Variants in ELAVL1 observed in about 807,000 individuals in gnomAD.
The protein encoded by ELAVL1 is ELAV-like protein 1.
A neutral mutation model predicts 28.4 loss-of-function variants in ELAVL1; 1 was observed. The ratio of observed to expected loss-of-function variants is 0.04; its 90% CI spans 0.01 to 0.17. The LOEUF (loss-of-function observed/expected upper bound fraction) is 0.17. Ranked by LOEUF, ELAVL1 falls within the 10% of genes least tolerant of loss-of-function variation. The probability of loss-of-function intolerance (pLI) is 1.00; values close to 1 mark genes in which losing one functional copy is unlikely to be tolerated. For synonymous variants in ELAVL1, 174 were observed against 183.5 expected, an observed-to-expected ratio of 0.95 and a Z score of 0.42; for missense variants, 157 against 447.2, an observed-to-expected ratio of 0.35 and a Z score of 5.85.
intron 3 of ELAVL1, among the ~76,000 whole-genome samples, chr19:7,977,834 G>A (rs1324951872): frequency 2.6e-5 from 4 of 152,264 alleles, no homozygotes; most frequent in Admixed American, 6.5e-5. Flanking sequence ...AGGGAGGAGC[G>A]GGGCAGAGGC....
chr19:7,974,456 G>A (rs1039870143), intron 3 of ELAVL1, among the ~76,000 whole-genome samples: 1 of 152,226 alleles, frequency 6.6e-6, no homozygotes, highest in East Asian at 1.9e-4. Context: ...GAACCTTCTG[G>A]GTGCTTTGAC....
intron 1 of ELAVL1, among the ~76,000 whole-genome samples, chr19:8,001,216 A>C: frequency 6.6e-6 from 1 of 151,960 alleles, no homozygotes; most frequent in African/African-American, 2.4e-5. Context: ...GCAGCTACAA[A>C]CACCTTCATC....
rs191174089 is a variant in ELAVL1 at position 7,975,719 on chromosome 19, T to C, written c.277-1841A>G. Among the ~76,000 whole-genome samples, 4 of 152,310 alleles carry C rather than the reference T, an allele frequency of 2.6e-5. No individual in the cohort carries two copies. In the East Asian group the frequency reaches 7.7e-4, roughly 29 times the overall value. On this transcript the variant is annotated intron_variant, in intron 3 of 5. Coordinates refer to ENST00000407627, the MANE Select transcript of ELAVL1 (RefSeq NM_001419.3). ...CTTGGGACCTCAAAACGTGACCTGA[T>C]TTGGATACAGTCATTGCGGATGTAA... is the stretch of plus-strand genomic sequence containing the variant.
Position 7,959,417 on chromosome 19 carries a change from A to ACATGGT in ELAVL1, c.*4060_*4065dup, listed in dbSNP as rs1353537451. 6.6e-6 allele frequency: 1 copy of ACATGGT among 152,398 alleles called. No individual in the cohort carries two copies. The highest frequency in any genetic ancestry group is 1.5e-5 in the Non-Finnish European group (1 of 67,944). The allele number at this position is 152,398 out of a possible 1,614,324, so 9.4% of individuals were successfully genotyped here. On this transcript the variant is annotated 3_prime_UTR_variant, in exon 6 of 6. Coordinates refer to ENST00000407627, the MANE Select transcript of ELAVL1 (RefSeq NM_001419.3). The stretch of plus-strand genomic sequence containing the variant: ...AGCAAGTCACTGTAAACGGAACATC[A>ACATGGT]CATGGTCATGGTCAAAGAGGTGGCC...
intron 1 of ELAVL1, among the ~76,000 whole-genome samples, chr19:7,999,378 T>A (rs2082713407): frequency 6.6e-6 from 1 of 152,014 alleles, no homozygotes; most frequent in East Asian, 1.9e-4. Context: ...CTCAAAAAAA[T>A]AAAAAATAAA....
rs1183878089 is a variant in ELAVL1, at chr19:7,982,321, C to T, written c.173-1135G>A. Among the ~76,000 whole-genome samples, 1 of 152,182 alleles carries T rather than the reference C, an allele frequency of 6.6e-6. No individual in the cohort carries two copies. Among genetic ancestry groups the T allele is most frequent in the East Asian group, 1.9e-4 (1 of 5,188 alleles). ...AGGCTGCTGAACATCTGCTGTGGGCCTGAGCCTCACCCAGCACTGCTCCAT... is the reference window on the plus strand; with the variant it reads ...AGGCTGCTGAACATCTGCTGTGGGCTTGAGCCTCACCCAGCACTGCTCCAT... On this transcript the variant is annotated intron_variant, in intron 2 of 5. Coordinates refer to ENST00000407627, the MANE Select transcript of ELAVL1 (RefSeq NM_001419.3). The surrounding 1 kb of genome is among the most constrained non-coding windows in gnomAD (Gnocchi z 4.3).
intron 1 of ELAVL1, among the ~76,000 whole-genome samples, chr19:8,004,896 A>C (rs920121846): frequency 6.6e-6 from 1 of 152,140 alleles, no homozygotes; most frequent in Non-Finnish European, 1.5e-5. Flanking sequence ...AGGCACACAC[A>C]CATATTTTAC....
chr19:7,973,572 T>C, intron 4 of ELAVL1, 153 bp downstream of exon 4: 1 of 1,020,748 alleles, frequency 9.8e-7, no homozygotes, highest in Non-Finnish European at 1.4e-6. Flanking sequence ...CTCAGCCTCC[T>C]CAAACCAAAG....
rs145184421 is a variant in ELAVL1, at chr19:7,974,188, T to G, written c.277-310A>C. Among the ~76,000 whole-genome samples the G allele has an allele frequency of 5.3e-5, 8 of 151,742 alleles. No individual in the cohort carries two copies. The East Asian group carries it at 1.5e-3, about 29-fold the overall frequency. ...AGCTTGTGTGTGGCTACCTCTCTGATGTGCTGGACAGTGAGCCGGTGCCAG... is the reference window on the plus strand; with the variant it reads ...AGCTTGTGTGTGGCTACCTCTCTGAGGTGCTGGACAGTGAGCCGGTGCCAG... On this transcript the variant is annotated intron_variant, in intron 3 of 5. Coordinates refer to ENST00000407627, the MANE Select transcript of ELAVL1 (RefSeq NM_001419.3).
Position 7,959,277 on chromosome 19 carries a change from A to G in ELAVL1, c.*4206T>C, listed in dbSNP as rs62123115. The G allele has an allele frequency of 1.6e-3, 251 of 152,744 alleles. No homozygotes were observed. The highest frequency in any genetic ancestry group is 3.1e-3 in the Non-Finnish European group (211 of 68,032). The allele number at this position is 152,744 out of a possible 1,614,324, so 9.5% of individuals were successfully genotyped here. ...GTTAAAATGAAAAATGGCACCTGAA[A>G]AATAAATTATTTTATATAAAACAAA... On this transcript the variant is annotated 3_prime_UTR_variant, in exon 6 of 6. Coordinates refer to ENST00000407627, the MANE Select transcript of ELAVL1 (RefSeq NM_001419.3).
chr19:7,968,374 G>T (rs1296897635), intron 4 of ELAVL1, among the ~76,000 whole-genome samples: 1 of 152,196 alleles, frequency 6.6e-6, no homozygotes, highest in Non-Finnish European at 1.5e-5. Context: ...GCCACCCCCT[G>T]CCAGCTCCAT....
chr19:7,975,466 T>G (rs1985254855), intron 3 of ELAVL1, among the ~76,000 whole-genome samples: 1 of 152,242 alleles, frequency 6.6e-6, no homozygotes, highest in Admixed American at 6.5e-5. Context: ...CACTGTCATG[T>G]TCAGTCAGGC....
At chr19:7,983,737 C>T (rs764393892) in intron 2 of ELAVL1, among the ~76,000 whole-genome samples, 2 of 152,164 alleles carry the variant, frequency 1.3e-5, no homozygotes, top group African/African-American at 4.8e-5. Context: ...ATGCCCGTTC[C>T]TGTGTCCTCA....
chr19:7,988,129 G>A (rs1191976241), intron 2 of ELAVL1, among the ~76,000 whole-genome samples: 1 of 152,212 alleles, frequency 6.6e-6, no homozygotes, highest in Non-Finnish European at 1.5e-5. Flanking sequence ...CAACACCCAG[G>A]AGGATGAGAG....
chr19:7,964,606 G>C (rs1444237789), intron 5 of ELAVL1, among the ~76,000 whole-genome samples: 4 of 152,096 alleles, frequency 2.6e-5, no homozygotes, highest in Non-Finnish European at 5.9e-5. Flanking sequence ...AGGCCAAGGT[G>C]GGAGGATCAC....
chr19:7,990,816 G>A (rs1985731476), intron 2 of ELAVL1, among the ~76,000 whole-genome samples: 1 of 152,156 alleles, frequency 6.6e-6, no homozygotes, highest in African/African-American at 2.4e-5. Context: ...GGAAGAGGAG[G>A]AAGAGGGGCC....
intron 1 of ELAVL1, among the ~76,000 whole-genome samples, chr19:7,999,975 C>T (rs2081061968): frequency 1.3e-5 from 2 of 152,190 alleles, no homozygotes; most frequent in African/African-American, 4.8e-5. Context: ...CAGGGTTTCA[C>T]TACGTTGGCC....
chr19:7,986,372 C>T (rs564351054), intron 2 of ELAVL1, among the ~76,000 whole-genome samples: 5 of 152,234 alleles, frequency 3.3e-5, no homozygotes, highest in South Asian at 2.1e-4. Context: ...AAGAAACAGG[C>T]GAAGGACAAG....
intron 1 of ELAVL1, chr19:8,002,166 T>C: frequency 1.6e-6 from 2 of 1,272,324 alleles, no homozygotes; most frequent in Non-Finnish European, 1.0e-6. Flanking sequence ...GAACACACGA[T>C]GTTCTCTGAA....
Sources: allele counts gnomAD v4.1 joint callset (sites outside exome capture counted in the v4.1 genomes callset), GRCh38; gene constraint gnomAD v4.1.1; non-coding constraint Gnocchi (gnomAD v3.1); transcripts MANE v1.5; gene names NCBI Gene and HGNC (gene_info 2026-07-23, HGNC 2026-07-21).